Variants in PLCB4 observed in about 807,000 individuals in gnomAD.
The protein encoded by PLCB4 is 1-phosphatidylinositol 4,5-bisphosphate phosphodiesterase beta-4.
In PLCB4, 77 loss-of-function variants were observed where a neutral mutation model predicts 178.8. That is an observed-to-expected ratio of 0.43 (90% CI 0.36 to 0.52). PLCB4 has a LOEUF of 0.52. Among genes scored for constraint, PLCB4 ranks in the 20% least tolerant of loss-of-function variants. The pLI is 0.00. For synonymous variants in PLCB4, 496 were observed against 490.8 expected, an observed-to-expected ratio of 1.01 and a Z score of -0.14; for missense variants, 1,024 against 1,453.4, an observed-to-expected ratio of 0.70 and a Z score of 4.80.
chr20:9,209,340 T>C (rs2208295), intron 2 of PLCB4, among the ~76,000 whole-genome samples: 60,402 of 151,852 alleles, frequency 0.4, 12,080 homozygotes, highest in South Asian at 0.51. Context: ...AAATGCATGC[T>C]AAGTTAGGTG....
chr20:9,098,268 A>G (rs889855755), intron 2 of PLCB4, among the ~76,000 whole-genome samples: 1 of 152,214 alleles, frequency 6.6e-6, no homozygotes, highest in African/African-American at 2.4e-5. Flanking sequence ...GAGTTATAAA[A>G]ATACACTTTT....
chr20:9,297,059 AT>A, intron 3 of PLCB4, among the ~76,000 whole-genome samples: 1 of 152,230 alleles, frequency 6.6e-6, no homozygotes, highest in Non-Finnish European at 1.5e-5. Flanking sequence ...TATTTATAAT[AT>A]GTCAAAAACA....
At chr20:9,246,678 C>CT (rs2094129760) in intron 3 of PLCB4, among the ~76,000 whole-genome samples, 1 of 151,894 alleles carries the variant, frequency 6.6e-6, no homozygotes, top group Non-Finnish European at 1.5e-5. Flanking sequence ...CTGCTATCTG[C>CT]TGCATGATGA....
chr20:9,454,853 G>A (rs771443742), intron 33 of PLCB4, among the ~76,000 whole-genome samples: 7 of 152,076 alleles, frequency 4.6e-5, no homozygotes, highest in Non-Finnish European at 2.9e-5. Context: ...TACAAATCAG[G>A]CACTGATTAT....
At chr20:9,368,169 A>G (rs117405015) in intron 9 of PLCB4, among the ~76,000 whole-genome samples, 3 of 152,356 alleles carry the variant, frequency 2.0e-5, no homozygotes, top group Non-Finnish European at 4.4e-5. Flanking sequence ...CTGGCTTCAT[A>G]GTGATTACAT....
intron 2 of PLCB4, among the ~76,000 whole-genome samples, chr20:9,169,423 TAA>T (rs5840310): frequency 1.2e-3 from 162 of 136,458 alleles, no homozygotes; most frequent in Non-Finnish European, 9.8e-4. Context: ...CCCCATCTCT[TAA>T]AAAAAAAAAA....
intron 3 of PLCB4, among the ~76,000 whole-genome samples, chr20:9,225,205 T>TAA (rs1195413658): frequency 6.6e-6 from 1 of 152,320 alleles, no homozygotes; most frequent in South Asian, 2.1e-4. Context: ...AGTATATACT[T>TAA]ACGCTGTATA....
chr20:9,263,239 G>A (rs2046230581), intron 3 of PLCB4, among the ~76,000 whole-genome samples: 1 of 152,150 alleles, frequency 6.6e-6, no homozygotes, highest in Admixed American at 6.6e-5. Context: ...TAGCGTTGTG[G>A]ATAGGGGTCT....
At chr20:9,272,555 A>G (rs184896399) in intron 3 of PLCB4, among the ~76,000 whole-genome samples, 4 of 152,094 alleles carry the variant, frequency 2.6e-5, no homozygotes, top group Admixed American at 2.6e-4. Context: ...CCTGAATTAC[A>G]TGCAAGCCTG....
intron 35 of PLCB4, 102 bp downstream of exon 35, chr20:9,459,912 C>G: frequency 1.4e-6 from 1 of 709,480 alleles, no homozygotes; most frequent in Non-Finnish European, 2.4e-6. Flanking sequence ...ATCAATTTGA[C>G]GTACAACATG....
Position 9,186,579 on chromosome 20 carries a change from ACTT to A in PLCB4, c.-78-30807_-78-30805del, listed in dbSNP as rs541357145. ...CGAGGTCATGGCATCCAGTGAATTC[ACTT>A]CTTTGTCTTTCCTGTCTGGCCGTTT... On this transcript the variant is annotated intron_variant, in intron 2 of 39. Transcript: ENST00000378473. 4.1e-4 allele frequency among the ~76,000 whole-genome samples: 63 copies of A among 152,252 alleles called. 2 individuals carry two copies. The East Asian group carries it at 0.012, about 28-fold the overall frequency.
chr20:9,340,803 A>G (rs552205517), intron 7 of PLCB4, among the ~76,000 whole-genome samples: 12 of 152,090 alleles, frequency 7.9e-5, no homozygotes, highest in Non-Finnish European at 1.6e-4. Flanking sequence ...TGGGAACAGT[A>G]CTAGAATATC....
At chr20:9,453,784 G>A (rs961147088) in intron 33 of PLCB4, among the ~76,000 whole-genome samples, 6 of 152,120 alleles carry the variant, frequency 3.9e-5, no homozygotes, top group Non-Finnish European at 8.8e-5. Flanking sequence ...TCTGAGAATT[G>A]ATTGTCCTTT....
intron 10 of PLCB4, 79 bp downstream of exon 10, chr20:9,371,374 A>G: frequency 1.4e-6 from 1 of 725,388 alleles, no homozygotes; most frequent in Non-Finnish European, 2.4e-6. Context: ...TAGATTATTT[A>G]TATTAAACTG....
chr20:9,333,701 C>G (rs1788280767), intron 4 of PLCB4, among the ~76,000 whole-genome samples: 1 of 152,042 alleles, frequency 6.6e-6, no homozygotes, highest in Non-Finnish European at 1.5e-5. Context: ...AAGATCAATC[C>G]ATGGGAGAGA....
intron 4 of PLCB4, among the ~76,000 whole-genome samples, chr20:9,312,582 A>G (rs1381803288): frequency 6.6e-6 from 1 of 152,188 alleles, no homozygotes. Flanking sequence ...CATGAAGCTC[A>G]GAAAAGCTCA....
At chr20:9,229,824 C>A (rs1464177026) in intron 3 of PLCB4, among the ~76,000 whole-genome samples, 2 of 152,046 alleles carry the variant, frequency 1.3e-5, no homozygotes, top group Admixed American at 1.3e-4. Flanking sequence ...CCAGCATCCA[C>A]GAGCTATCCT....
rs756075104 is a variant in PLCB4, at chr20:9,444,024, G to A, written c.2808G>A (p.Gln936=). 1 of 1,601,156 alleles carries A rather than the reference G, an allele frequency of 6.2e-7. No individual in the cohort carries two copies. ...AAGTAAGGATAGAAGACTTAAAGCAGATGAAGGTAAAATTGCTTGACTATT... is the reference window on the plus strand; with the variant it reads ...AAGTAAGGATAGAAGACTTAAAGCAAATGAAGGTAAAATTGCTTGACTATT... ...IPQVRIEDLK[Q]MKAYLKHLKK... is the part of the protein sequence containing the mutation. The change falls in exon 31 of 40, where the codon CAG becomes CAA. Residue 936 remains glutamine (Q), a synonymous_variant. Transcript: ENST00000378473.
chr20:9,224,787 C>A (rs747826171), intron 3 of PLCB4, among the ~76,000 whole-genome samples: 1 of 152,180 alleles, frequency 6.6e-6, no homozygotes, highest in African/African-American at 2.4e-5. Flanking sequence ...AACACCATGA[C>A]CTTTGAGAGA....
Sources: allele counts gnomAD v4.1 joint callset (sites outside exome capture counted in the v4.1 genomes callset), GRCh38; gene constraint gnomAD v4.1.1; transcripts MANE v1.5; gene names NCBI Gene and HGNC (gene_info 2026-07-23, HGNC 2026-07-21).